ASB3: variants seen among roughly 807,000 people sequenced by gnomAD.
ASB3 encodes the protein ankyrin repeat and SOCS box protein 3.
Under a neutral mutation model 54.5 loss-of-function variants are expected in ASB3, and 41 were observed. The ratio of observed to expected loss-of-function variants is 0.75; its 90% CI spans 0.59 to 0.98. The LOEUF is 0.98. Ranked by LOEUF, ASB3 falls within the 50% of genes least tolerant of loss-of-function variation. The pLI is 0.00. For synonymous variants in ASB3, 266 were observed against 221.2 expected (o/e 1.20, Z -1.80); for missense variants, 733 against 620.0 (o/e 1.18, Z -1.94).
intron 9 of ASB3, among the ~76,000 whole-genome samples, chr2:53,693,224 CAT>C: frequency 6.6e-6 from 1 of 152,262 alleles, no homozygotes; most frequent in Admixed American, 6.5e-5. Flanking sequence ...GGATACTTTG[CAT>C]ATGTTATGTT....
intron 1 of ASB3, chr2:53,775,052 A>G (rs1674236552): frequency 6.6e-6 from 1 of 152,658 alleles, no homozygotes; most frequent in South Asian, 2.1e-4. Context: ...TTGAGTTTTT[A>G]GCCAAAAATT....
chr2:53,695,860 G>C (rs890956675), intron 8 of ASB3, among the ~76,000 whole-genome samples: 2 of 152,104 alleles, frequency 1.3e-5, no homozygotes, highest in African/African-American at 4.8e-5. Flanking sequence ...TATTCAGCCA[G>C]ATACATTTTC....
At chr2:53,729,773 G>C (rs1202633098) in intron 3 of ASB3, among the ~76,000 whole-genome samples, 1 of 152,128 alleles carries the variant, frequency 6.6e-6, no homozygotes, top group Non-Finnish European at 1.5e-5. Context: ...ATTTTCAATA[G>C]CATGTTAAAA....
rs558257424 is a variant in ASB3, at chr2:53,716,250, C to T, written c.782+316G>A. Among the ~76,000 whole-genome samples the T allele has an allele frequency of 3.2e-3, 490 of 152,028 alleles. 1 individual carries two copies. Among genetic ancestry groups the T allele is most frequent in the Middle Eastern group, 6.8e-3 (2 of 294 alleles). ...CTCATCAGATTGATGCTTAAAGATG[C>T]CTGGGATAAAACTAGGGAGGAGGAG... On this transcript the variant is annotated intron_variant, in intron 6 of 9. Transcript: ENST00000263634.
At chr2:53,757,472 A>G (rs1238536962) in intron 2 of ASB3, among the ~76,000 whole-genome samples, 1 of 152,110 alleles carries the variant, frequency 6.6e-6, no homozygotes. Flanking sequence ...ATGCACCCCT[A>G]CCTTTCCTTC....
chr2:53,786,390 C>T (rs6545366), intron 1 of ASB3: 37,949 of 152,062 alleles, frequency 0.25, 5,856 homozygotes, highest in East Asian at 0.45. Context: ...TCGCCCACCA[C>T]GCCAAATTCG....
chr2:53,771,885 T>A (rs1673938993), intron 1 of ASB3: 1 of 1,509,024 alleles, frequency 6.6e-7, no homozygotes, highest in African/African-American at 1.4e-5. Context: ...CAGAAAAATT[T>A]TTTTTTACCT....
At chr2:53,773,713 G>A (rs1317358013) in intron 1 of ASB3, among the ~76,000 whole-genome samples, 4 of 151,604 alleles carry the variant, frequency 2.6e-5, no homozygotes, top group African/African-American at 9.7e-5. Flanking sequence ...ACAGGCGTGA[G>A]CCACCGCTCC....
intron 9 of ASB3, among the ~76,000 whole-genome samples, chr2:53,674,624 C>A (rs1667984318): frequency 6.6e-6 from 1 of 152,198 alleles, no homozygotes; most frequent in South Asian, 2.1e-4. Context: ...GGCCAATGTT[C>A]AAACAACCTA....
chr2:53,707,353 G>A (rs1669837007), intron 7 of ASB3, among the ~76,000 whole-genome samples: 1 of 152,156 alleles, frequency 6.6e-6, no homozygotes, highest in Admixed American at 6.5e-5. Context: ...TAGAAATGCA[G>A]AGTATGGGCC....
chr2:53,753,657 T>C (rs972716084), intron 2 of ASB3, among the ~76,000 whole-genome samples: 2 of 151,828 alleles, frequency 1.3e-5, no homozygotes, highest in African/African-American at 4.8e-5. Flanking sequence ...TTTCTGTTTT[T>C]TTTTTTTGAG....
intron 8 of ASB3, among the ~76,000 whole-genome samples, chr2:53,694,961 T>C (rs1669107876): frequency 6.6e-6 from 1 of 152,118 alleles, no homozygotes; most frequent in South Asian, 2.1e-4. Flanking sequence ...TAGTCAAACC[T>C]TTAAAAGAAC....
intron 5 of ASB3, among the ~76,000 whole-genome samples, chr2:53,727,353 T>A (rs1671058710): frequency 6.6e-6 from 1 of 152,182 alleles, no homozygotes; most frequent in South Asian, 2.1e-4. Context: ...TGCCCTGCTG[T>A]TTAAATAAAC....
intron 1 of ASB3, among the ~76,000 whole-genome samples, chr2:53,783,109 A>C (rs1674745928): frequency 6.6e-6 from 1 of 152,156 alleles, no homozygotes; most frequent in Non-Finnish European, 1.5e-5. Context: ...CACAACAGAC[A>C]GAAAGGATGA....
intron 3 of ASB3, among the ~76,000 whole-genome samples, chr2:53,742,113 C>CA (rs1558553046): frequency 6.6e-6 from 1 of 151,970 alleles, no homozygotes; most frequent in South Asian, 2.1e-4. Context: ...GGACTGGATC[C>CA]AAAAAAAGAA....
intron 9 of ASB3, among the ~76,000 whole-genome samples, chr2:53,682,133 C>T (rs1389056936): frequency 6.8e-6 from 1 of 146,434 alleles, no homozygotes. Flanking sequence ...GCACTTCAGC[C>T]TGGGTGACAA....
chr2:53,728,517 C>T (rs1326920116), intron 5 of ASB3, among the ~76,000 whole-genome samples, 195 bp downstream of exon 5: 1 of 152,168 alleles, frequency 6.6e-6, no homozygotes, highest in Non-Finnish European at 1.5e-5. Context: ...AAATTAGTAG[C>T]TGTGCACTGC....
chr2:53,727,364 T>C (rs1467938032), intron 5 of ASB3, among the ~76,000 whole-genome samples: 7 of 152,168 alleles, frequency 4.6e-5, no homozygotes, highest in Admixed American at 6.5e-5. Flanking sequence ...TTAAATAAAC[T>C]GGATTATTGG....
intron 9 of ASB3, among the ~76,000 whole-genome samples, chr2:53,678,894 A>G (rs545557128): frequency 6.6e-6 from 1 of 152,192 alleles, no homozygotes; most frequent in East Asian, 1.9e-4. Flanking sequence ...GCATTCTTAT[A>G]CTTCTTGTGC....
Sources: allele counts gnomAD v4.1 joint callset (sites outside exome capture counted in the v4.1 genomes callset), GRCh38; gene constraint gnomAD v4.1.1; transcripts MANE v1.5; gene names NCBI Gene and HGNC (gene_info 2026-07-23, HGNC 2026-07-21).